Variants in CACHD1 observed in about 807,000 individuals in gnomAD.
CACHD1 encodes cache domain containing 1.
A neutral mutation model predicts 138.7 loss-of-function variants in CACHD1; 71 were observed. The observed-to-expected ratio is 0.51, with a 90% CI of 0.42 to 0.62. The LOEUF is 0.62. Ranked by LOEUF, CACHD1 falls within the 20% of genes least tolerant of loss-of-function variation. The pLI is 0.00. For missense variants in CACHD1, 1,389 were observed against 1,625.3 expected, an observed-to-expected ratio of 0.85 and a Z score of 2.50; for synonymous variants, 578 against 591.5, an observed-to-expected ratio of 0.98 and a Z score of 0.33.
intron 1 of CACHD1, among the ~76,000 whole-genome samples, chr1:64,472,473 A>G (rs1646151544): frequency 6.6e-6 from 1 of 152,196 alleles, no homozygotes; most frequent in African/African-American, 2.4e-5. Context: ...TTATTTGCAG[A>G]CACCCAGCCC....
rs183986543 is a variant in CACHD1 at position 64,520,734 on chromosome 1, A to G, written c.199-29860A>G. Reference sequence around the variant, plus strand: ...GATTAACTTCCACATACTCGGAACCATGTCTTGTCACTGGGTGGGAAAACA... The same window carrying G: ...GATTAACTTCCACATACTCGGAACCGTGTCTTGTCACTGGGTGGGAAAACA... On this transcript the variant is annotated intron_variant, in intron 1 of 26. Coordinates refer to ENST00000651257, the MANE Select transcript of CACHD1 (RefSeq NM_020925.4). 9.2e-4 allele frequency among the ~76,000 whole-genome samples: 140 copies of G among 152,300 alleles called. 1 individual carries two copies. The Middle Eastern group carries it at 0.014, about 15-fold the overall frequency.
chr1:64,663,147 C>T (rs1415725667), intron 13 of CACHD1, among the ~76,000 whole-genome samples: 1 of 151,986 alleles, frequency 6.6e-6, no homozygotes, highest in African/African-American at 2.4e-5. Flanking sequence ...ATGTAGATCT[C>T]AGATAGTTTG....
chr1:64,484,995 A>C (rs933538875), intron 1 of CACHD1, among the ~76,000 whole-genome samples: 1 of 152,246 alleles, frequency 6.6e-6, no homozygotes, highest in African/African-American at 2.4e-5. Flanking sequence ...TGTGCCCAGA[A>C]ATGAAATTGC....
intron 4 of CACHD1, among the ~76,000 whole-genome samples, chr1:64,627,258 T>A (rs1648138470): frequency 6.6e-6 from 1 of 151,964 alleles, no homozygotes; most frequent in African/African-American, 2.4e-5. Context: ...ATAAAAAAAA[T>A]TAGCTGAGTG....
chr1:64,607,289 A>C (rs577412393), intron 4 of CACHD1, among the ~76,000 whole-genome samples: 54 of 152,136 alleles, frequency 3.5e-4, no homozygotes, highest in Non-Finnish European at 6.3e-4. Flanking sequence ...CAAGTGAAGA[A>C]AGTGTTGCAA....
chr1:64,667,122 G>T (rs1432090381), intron 16 of CACHD1, among the ~76,000 whole-genome samples: 1 of 152,176 alleles, frequency 6.6e-6, no homozygotes, highest in African/African-American at 2.4e-5. Flanking sequence ...AGCTACAGAT[G>T]TCAGGGAAAT....
chr1:64,524,955 A>G (rs1197329864), intron 1 of CACHD1, among the ~76,000 whole-genome samples: 1 of 152,140 alleles, frequency 6.6e-6, no homozygotes, highest in Non-Finnish European at 1.5e-5. Flanking sequence ...CCAAGTCACT[A>G]GCCCAAGGTT....
chr1:64,619,446 C>T (rs1329524798), intron 4 of CACHD1, among the ~76,000 whole-genome samples: 2 of 152,128 alleles, frequency 1.3e-5, no homozygotes, highest in Non-Finnish European at 2.9e-5. Context: ...AGTCCTTACA[C>T]GGAGGGTGAT....
chr1:64,652,114 A>C (rs369919822), intron 9 of CACHD1, 47 bp from the exon 10 acceptor site: 2 of 1,518,864 alleles, frequency 1.3e-6, no homozygotes, highest in Non-Finnish European at 8.9e-7. Flanking sequence ...TCTTTGTCCA[A>C]TTCCTTCTCT....
Position 64,629,451 on chromosome 1 carries a change from G to T in CACHD1, c.614G>T (p.Arg205Leu), listed in dbSNP as rs373911547. 6 of 1,614,038 alleles carry T rather than the reference G, an allele frequency of 3.7e-6. No homozygotes were observed. In the South Asian group the frequency reaches 5.5e-5, roughly 15 times the overall value. Reference protein sequence around the residue: ...IFTVFPAHKFRCKGSYEHRSR... With the variant: ...IFTVFPAHKFLCKGSYEHRSR... ...ACTGTTTTCCCAGCACACAAGTTCCGGTGTAAGGGCAGCTACGAACACCGC... is the reference window on the plus strand; with the variant it reads ...ACTGTTTTCCCAGCACACAAGTTCCTGTGTAAGGGCAGCTACGAACACCGC... Residue 205 changes from arginine (R) to leucine (L), a missense_variant, in exon 5 of 27, where the codon CGG becomes CTG. Arg to Leu is a moderately radical substitution (Grantham distance 102, BLOSUM62 -2). Coordinates refer to ENST00000651257, the MANE Select transcript of CACHD1 (RefSeq NM_020925.4).
At chr1:64,498,244 A>G (rs974655651) in intron 1 of CACHD1, among the ~76,000 whole-genome samples, 1 of 152,246 alleles carries the variant, frequency 6.6e-6, no homozygotes, top group African/African-American at 2.4e-5. Flanking sequence ...TCACAACAGC[A>G]TATAGATGCT....
At chr1:64,580,679 A>G (rs1220699893) in intron 2 of CACHD1, among the ~76,000 whole-genome samples, 1 of 152,192 alleles carries the variant, frequency 6.6e-6, no homozygotes, top group Non-Finnish European at 1.5e-5. Flanking sequence ...AAGGTTTCTC[A>G]TCTGGGCCAT....
At chr1:64,582,049 A>C in intron 2 of CACHD1, 107 bp from the exon 3 acceptor site, 15 of 1,285,412 alleles carry the variant, frequency 1.2e-5, no homozygotes, top group Non-Finnish European at 1.6e-5. Flanking sequence ...TTTTACTTGA[A>C]TTTTAATATA....
intron 1 of CACHD1, among the ~76,000 whole-genome samples, chr1:64,471,371 C>A (rs1290833624): frequency 6.6e-6 from 1 of 152,238 alleles, no homozygotes; most frequent in East Asian, 1.9e-4. Flanking sequence ...CTGGCTCGGA[C>A]GATTTTCCGA....
Position 64,641,843 on chromosome 1 carries a change from C to T in CACHD1, c.1030C>T (p.Leu344=), listed in dbSNP as rs557222567. Residue 344 remains leucine (L), a synonymous_variant, in exon 8 of 27, where the codon CTG becomes TTG. Transcript: ENST00000651257. The part of the protein sequence containing the change: ...QANTDMVIIY[L]SAGITSKDSS... ...AGATACAGACATGGTCATCATTTAC[C>T]TGTCAGCTGGCATTACATCAAAGGA... The T allele has an allele frequency of 1.1e-5, 17 of 1,563,410 alleles. No homozygotes were observed. In the African/African-American group the frequency reaches 2.4e-4, roughly 22 times the overall value.
Position 64,531,495 on chromosome 1 carries a change from T to TTGTGTG in CACHD1, c.199-19069_199-19064dup, listed in dbSNP as rs68180558. 4.7e-3 allele frequency among the ~76,000 whole-genome samples: 684 copies of TTGTGTG among 146,870 alleles called. 4 individuals carry two copies. The highest frequency in any genetic ancestry group is 0.016 in the African/African-American group (625 of 39,718). On this transcript the variant is annotated intron_variant, in intron 1 of 26. Coordinates refer to ENST00000651257, the MANE Select transcript of CACHD1 (RefSeq NM_020925.4). ...AGTTAATGATTTAGAATGAATGTGG[T>TTGTGTG]TGTGTGTGTGTGTGTGTGTGTGTGT...
At chr1:64,656,598 A>G (rs1476286508) in intron 12 of CACHD1, among the ~76,000 whole-genome samples, 2 of 152,190 alleles carry the variant, frequency 1.3e-5, no homozygotes, top group Admixed American at 1.3e-4. Context: ...TTGATACAGT[A>G]AAGAGCCTCA....
chr1:64,542,398 A>G (rs1182090131), intron 1 of CACHD1, among the ~76,000 whole-genome samples: 8 of 152,252 alleles, frequency 5.3e-5, no homozygotes, highest in African/African-American at 1.7e-4. Context: ...ACAAACTGGA[A>G]TAGCCCTGGT....
chr1:64,491,946 T>G (rs1036880942), intron 1 of CACHD1, among the ~76,000 whole-genome samples: 3 of 98,900 alleles, frequency 3.0e-5, no homozygotes, highest in South Asian at 3.0e-4. Context: ...TTGTTTTTTG[T>G]TTTTTTTTTA....
Sources: gnomAD v4.1 joint callset for allele counts (sites outside exome capture counted in the v4.1 genomes callset) on GRCh38, gnomAD v4.1.1 for gene constraint, MANE v1.5 for transcripts, NCBI Gene and HGNC (gene_info 2026-07-23, HGNC 2026-07-21) for gene names.